HSD17B12: variants seen among roughly 807,000 people sequenced by gnomAD.
The protein encoded by HSD17B12 is very-long-chain 3-oxoacyl-CoA reductase.
A neutral mutation model predicts 39.3 loss-of-function variants in HSD17B12; 32 were observed. The ratio of observed to expected loss-of-function variants is 0.81; its 90% confidence interval spans 0.61 to 1.09. HSD17B12 has a LOEUF of 1.09. Among genes scored for constraint, HSD17B12 ranks in the 50% least tolerant of loss-of-function variants. HSD17B12 has a pLI of 0.00. For missense variants in HSD17B12, 342 were observed against 382.9 expected, an observed-to-expected ratio of 0.89 and a Z score of 0.89; for synonymous variants, 150 against 146.7, an observed-to-expected ratio of 1.02 and a Z score of -0.16.
At chr11:43,745,962 A>G (rs1950408398) in intron 1 of HSD17B12, among the ~76,000 whole-genome samples, 1 of 152,188 alleles carries the variant, frequency 6.6e-6, no homozygotes, top group South Asian at 2.1e-4. Flanking sequence ...GTGAGCTATG[A>G]TCACACCATT....
chr11:43,642,994 T>A, the HSD17B12 span, among the ~76,000 whole-genome samples: 3 of 152,064 alleles, frequency 2.0e-5, no homozygotes, highest in Non-Finnish European at 4.4e-5. Flanking sequence ...TTTAGGTTTT[T>A]GCATGTGTAT....
the HSD17B12 span, among the ~76,000 whole-genome samples, chr11:43,637,536 C>A: frequency 6.6e-6 from 1 of 151,996 alleles, no homozygotes; most frequent in Non-Finnish European, 1.5e-5. Context: ...TATTGTTTTT[C>A]TTAGAAGAAT....
chr11:43,576,193 G>A, the HSD17B12 span, among the ~76,000 whole-genome samples: 10 of 152,188 alleles, frequency 6.6e-5, no homozygotes, highest in Non-Finnish European at 1.0e-4. Context: ...GGGAGTTAAC[G>A]GGAGGGAGGG....
intron 1 of HSD17B12, among the ~76,000 whole-genome samples, chr11:43,704,278 ACTTT>A (rs1198492023): frequency 6.6e-6 from 1 of 152,252 alleles, no homozygotes; most frequent in African/African-American, 2.4e-5. Flanking sequence ...GTTGATGTAT[ACTTT>A]CTTTGTGAGT....
chr11:43,835,220 T>C (rs993835470), intron 7 of HSD17B12, among the ~76,000 whole-genome samples: 1 of 152,098 alleles, frequency 6.6e-6, no homozygotes, highest in Admixed American at 6.6e-5. Context: ...CATTTTGTCC[T>C]TCTGCTTGAT....
At chr11:43,808,977 T>A (rs903691548) in intron 4 of HSD17B12, among the ~76,000 whole-genome samples, 8 of 152,198 alleles carry the variant, frequency 5.3e-5, no homozygotes. Context: ...GTGGATCTAA[T>A]TGAATGAAAT....
chr11:43,832,531 A>G (rs1951322047), intron 7 of HSD17B12, among the ~76,000 whole-genome samples: 1 of 152,198 alleles, frequency 6.6e-6, no homozygotes, highest in Non-Finnish European at 1.5e-5. Context: ...AGGCCCAAAG[A>G]GATGGAGTGC....
At chr11:43,557,452 C>T in the HSD17B12 span, among the ~76,000 whole-genome samples, 1 of 152,074 alleles carries the variant, frequency 6.6e-6, no homozygotes, top group African/African-American at 2.4e-5. Context: ...GTGATGGGAG[C>T]GGTAATATGT....
the HSD17B12 span, among the ~76,000 whole-genome samples, chr11:43,669,814 A>G: frequency 6.6e-6 from 1 of 152,224 alleles, no homozygotes; most frequent in Admixed American, 6.5e-5. Flanking sequence ...TAACCTGATT[A>G]CATCTGCAAA....
chr11:43,685,877 A>G (rs1256070331), intron 1 of HSD17B12, among the ~76,000 whole-genome samples: 1 of 152,256 alleles, frequency 6.6e-6, no homozygotes, highest in East Asian at 1.9e-4. Flanking sequence ...AAAAAGGCAC[A>G]GTTTCAAATT....
At chr11:43,606,721 A>T in the HSD17B12 span, among the ~76,000 whole-genome samples, 1 of 152,174 alleles carries the variant, frequency 6.6e-6, no homozygotes, top group Admixed American at 6.6e-5. Context: ...ATCCCCATTG[A>T]TTCTTTAAGC....
intron 1 of HSD17B12, among the ~76,000 whole-genome samples, chr11:43,744,401 G>A (rs1030307344): frequency 2.6e-5 from 4 of 152,120 alleles, no homozygotes; most frequent in Non-Finnish European, 5.9e-5. Context: ...AGTAAGAATG[G>A]TGAAACATTT....
At chr11:43,591,583 A>G in the HSD17B12 span, among the ~76,000 whole-genome samples, 1 of 152,154 alleles carries the variant, frequency 6.6e-6, no homozygotes, top group African/African-American at 2.4e-5. Flanking sequence ...AGAATTCTGA[A>G]AGGAAAATCT....
At chr11:43,674,147 G>T in the HSD17B12 span, among the ~76,000 whole-genome samples, 1 of 152,146 alleles carries the variant, frequency 6.6e-6, no homozygotes, top group East Asian at 1.9e-4. Context: ...GAGTTTTATC[G>T]TATTGCCTCT....
At position 43,831,990 on chromosome 11, in the gene HSD17B12, G is replaced by A. The variant is rs1443797875; in HGVS notation, c.536+980G>A. ...GGAAACTGAGGTTAGGAATCCATTT[G>A]TTGAGCATCTACAGGGACTAGTTAA... is the stretch of plus-strand genomic sequence containing the variant. On this transcript the variant is annotated intron_variant, in intron 7 of 10. Coordinates refer to ENST00000278353, the MANE Select transcript of HSD17B12 (RefSeq NM_016142.3). This position sits in a 1 kb window ranked among gnomAD's most constrained non-coding sequence, Gnocchi z 4.1. Among the ~76,000 whole-genome samples, 2 of 152,200 alleles carry A rather than the reference G, an allele frequency of 1.3e-5. No homozygotes were observed. The highest frequency in any genetic ancestry group is 6.5e-5 in the Admixed American group (1 of 15,274).
chr11:43,613,944 G>A, the HSD17B12 span, among the ~76,000 whole-genome samples: 1 of 152,280 alleles, frequency 6.6e-6, no homozygotes, highest in South Asian at 2.1e-4. Context: ...TGGGATTACA[G>A]GCATCAGCCA....
At chr11:43,766,511 C>T (rs1259363539) in intron 3 of HSD17B12, among the ~76,000 whole-genome samples, 1 of 152,226 alleles carries the variant, frequency 6.6e-6, no homozygotes, top group Non-Finnish European at 1.5e-5. Context: ...GTTACACCGT[C>T]ATGGCCAGAA....
intron 6 of HSD17B12, among the ~76,000 whole-genome samples, chr11:43,822,527 C>T (rs1015180949): frequency 2.6e-5 from 4 of 152,150 alleles, no homozygotes; most frequent in African/African-American, 9.7e-5. Context: ...GTTCCCCTTC[C>T]TGTGTCCAAG....
intron 4 of HSD17B12, among the ~76,000 whole-genome samples, chr11:43,805,357 T>C (rs1453439446): frequency 2.0e-5 from 3 of 152,168 alleles, no homozygotes; most frequent in Non-Finnish European, 4.4e-5. Context: ...GCTATTTTAG[T>C]TAGTGAAAGA....
Sources: gnomAD v4.1 joint callset for allele counts (sites outside exome capture counted in the v4.1 genomes callset) on GRCh38, gnomAD v4.1.1 for gene constraint, Gnocchi (gnomAD v3.1) non-coding constraint, MANE v1.5 for transcripts, NCBI Gene and HGNC (gene_info 2026-07-23, HGNC 2026-07-21) for gene names.